ERG: variants seen among roughly 807,000 people sequenced by gnomAD.
ERG encodes the protein transcriptional regulator ERG.
In ERG, 9 loss-of-function variants were observed where a neutral mutation model predicts 55.3. That is an observed-to-expected ratio of 0.16 (90% CI 0.10 to 0.28). The LOEUF is 0.28. Among genes scored for constraint, ERG ranks in the 10% least tolerant of loss-of-function variants. The pLI is 1.00. For missense variants in ERG, 434 were observed against 631.6 expected, an observed-to-expected ratio of 0.69 and a Z score of 3.35; for synonymous variants, 223 against 237.3, an observed-to-expected ratio of 0.94 and a Z score of 0.55.
At chr21:38,517,778 A>T (rs2146739981) in intron 2 of ERG, among the ~76,000 whole-genome samples, 1 of 152,314 alleles carries the variant, frequency 6.6e-6, no homozygotes, top group Middle Eastern at 3.4e-3. Context: ...ATTTGGCCAT[A>T]AAAATAAGGA....
chr21:38,624,164 C>T (rs1407709818), intron 1 of ERG, among the ~76,000 whole-genome samples: 3 of 152,192 alleles, frequency 2.0e-5, no homozygotes, highest in Non-Finnish European at 2.9e-5. Context: ...CTCCACCACC[C>T]ATCCCATGAT....
chr21:38,394,221 A>G (rs1988100984), intron 6 of ERG, among the ~76,000 whole-genome samples: 1 of 152,216 alleles, frequency 6.6e-6, no homozygotes. Flanking sequence ...ACAGAAATAC[A>G]GAAATATGTT....
chr21:38,430,794 C>T (rs1202964163), intron 2 of ERG, among the ~76,000 whole-genome samples: 14 of 152,224 alleles, frequency 9.2e-5, no homozygotes, highest in Admixed American at 9.2e-4. Flanking sequence ...TCAAGCAATC[C>T]TCCTTGGTTC....
At chr21:38,462,256 TAC>T (rs2146598716) in intron 1 of ERG, among the ~76,000 whole-genome samples, 1 of 152,356 alleles carries the variant, frequency 6.6e-6, no homozygotes, top group African/African-American at 2.4e-5. Context: ...GTGCTGGGAT[TAC>T]AGTCATGAGC....
intron 2 of ERG, among the ~76,000 whole-genome samples, chr21:38,512,948 T>C (rs9976047): frequency 0.87 from 132,086 of 152,018 alleles, 57,552 homozygotes; most frequent in African/African-American, 0.94. Flanking sequence ...CTGGGCAACA[T>C]GGTGAAACCC....
intron 2 of ERG, among the ~76,000 whole-genome samples, chr21:38,563,042 G>A (rs922573236): frequency 1.3e-5 from 2 of 152,208 alleles, no homozygotes; most frequent in Admixed American, 1.3e-4. Context: ...CATAGTGTAT[G>A]ATTCCAACCA....
chr21:38,543,428 T>TAC (rs2059767489), intron 2 of ERG, among the ~76,000 whole-genome samples: 1 of 151,900 alleles, frequency 6.6e-6, no homozygotes, highest in Non-Finnish European at 1.5e-5. Context: ...TATGTATATG[T>TAC]GTATATACAC....
intron 2 of ERG, among the ~76,000 whole-genome samples, chr21:38,514,316 A>T (rs968645492): frequency 1.3e-5 from 2 of 151,860 alleles, no homozygotes; most frequent in Admixed American, 6.6e-5. Context: ...TTATTTAAAA[A>T]GGAAAATTAT....
intron 1 of ERG, among the ~76,000 whole-genome samples, chr21:38,465,816 C>T (rs776224489): frequency 6.6e-5 from 10 of 152,286 alleles, no homozygotes; most frequent in Non-Finnish European, 1.0e-4. Flanking sequence ...TTTGGTTCTC[C>T]GATACTGAAT....
the ERG span, among the ~76,000 whole-genome samples, chr21:38,372,447 C>CT: frequency 8.6e-5 from 13 of 151,266 alleles, no homozygotes; most frequent in African/African-American, 2.4e-4. Flanking sequence ...AATTATCATC[C>CT]TTTTTTTTCT....
At chr21:38,498,697 T>C (rs772816586), upstream of ERG, among the ~76,000 whole-genome samples, 6 of 151,838 alleles carry the variant, frequency 4.0e-5, no homozygotes, top group Non-Finnish European at 7.4e-5. The surrounding 1 kb of genome is among the most constrained non-coding windows in gnomAD (Gnocchi z 4.6). Context: ...CCACAGCAGG[T>C]GTGACCGGTG....
chr21:38,458,087 C>A (rs1307319950), intron 1 of ERG, among the ~76,000 whole-genome samples: 4 of 152,198 alleles, frequency 2.6e-5, no homozygotes, highest in African/African-American at 9.7e-5. Flanking sequence ...AGCTCCTGAA[C>A]TGGAAAACCA....
At chr21:38,648,980 C>T (rs752572777) in intron 1 of ERG, among the ~76,000 whole-genome samples, 2 of 152,124 alleles carry the variant, frequency 1.3e-5, no homozygotes, top group Non-Finnish European at 2.9e-5. Flanking sequence ...CATTGCTCAG[C>T]GATGCTTAGA....
At chr21:38,431,618 A>C (rs572306094) in intron 2 of ERG, among the ~76,000 whole-genome samples, 2 of 152,322 alleles carry the variant, frequency 1.3e-5, no homozygotes, top group African/African-American at 4.8e-5. Context: ...TACCAATTCA[A>C]CTCTGAGCTT....
intron 1 of ERG, among the ~76,000 whole-genome samples, chr21:38,632,894 A>G (rs1450305123): frequency 4.6e-5 from 7 of 152,220 alleles, no homozygotes; most frequent in East Asian, 1.9e-4. Context: ...TTCCGTGTCC[A>G]TATATCCAAA....
At chr21:38,429,355 CATAT>C (rs1001494859) in intron 2 of ERG, among the ~76,000 whole-genome samples, 7 of 148,748 alleles carry the variant, frequency 4.7e-5, no homozygotes, top group African/African-American at 1.5e-4. Flanking sequence ...CACACATATA[CATAT>C]ATAATATGTA....
chr21:38,614,550 G>A (rs759713847), intron 1 of ERG, among the ~76,000 whole-genome samples: 26 of 152,158 alleles, frequency 1.7e-4, no homozygotes, highest in Non-Finnish European at 3.2e-4. Flanking sequence ...GAAGGCGACT[G>A]GGATGGATGA....
At chr21:38,474,433 C>A (rs1387267882) in intron 1 of ERG, among the ~76,000 whole-genome samples, 1 of 152,144 alleles carries the variant, frequency 6.6e-6, no homozygotes, top group Non-Finnish European at 1.5e-5. Context: ...CTGATGAGTG[C>A]CCTGGAGAGA....
At chr21:38,594,704 T>C (rs76537139) in intron 1 of ERG, among the ~76,000 whole-genome samples, 1,839 of 151,880 alleles carry the variant, frequency 0.012, 31 homozygotes, top group African/African-American at 0.041. Flanking sequence ...TCATGAAAAA[T>C]AGGAAGAACT....
Sources: allele counts gnomAD v4.1 joint callset (sites outside exome capture counted in the v4.1 genomes callset), GRCh38; gene constraint gnomAD v4.1.1; non-coding constraint Gnocchi (gnomAD v3.1); transcripts MANE v1.5; gene names NCBI Gene and HGNC (gene_info 2026-07-23, HGNC 2026-07-21).